NFX1: variants seen among roughly 807,000 people sequenced by gnomAD.
The protein encoded by NFX1 is transcriptional repressor NF-X1.
In NFX1, 69 loss-of-function variants were observed where a neutral mutation model predicts 137.2. That is an observed-to-expected ratio of 0.50 (90% CI 0.41 to 0.61). The LOEUF is 0.61. Ranked by LOEUF, NFX1 falls within the 20% of genes least tolerant of loss-of-function variation. The pLI, the probability that NFX1 is intolerant of heterozygous loss-of-function variation, is 0.00. For missense variants in NFX1, 1,167 were observed against 1,391.0 expected, an observed-to-expected ratio of 0.84 and a Z score of 2.56; for synonymous variants, 495 against 474.1, an observed-to-expected ratio of 1.04 and a Z score of -0.57.
Position 33,342,844 on chromosome 9 carries a change from C to A in NFX1, c.2214C>A (p.Cys738Ter). Residue 738 changes from cysteine (C) to a stop codon, truncating the protein, a stop_gained, in exon 13 of 24, where the codon TGC becomes TGA. Coordinates refer to ENST00000379540, the MANE Select transcript of NFX1 (RefSeq NM_002504.6). LOFTEE classifies it high-confidence loss of function. ...EPCHRGNCQTCWQASFDELTC... is the reference protein window; with the variant it reads ...EPCHRGNCQT ...GTCATCGTGGAAACTGCCAGACATG[C>A]TGGCAAGCCAGTGAGTGTCTTTACT... The A allele has an allele frequency of 6.2e-7, 1 of 1,610,828 alleles. No homozygotes were observed. The highest frequency in any genetic ancestry group is 8.5e-7 in the Non-Finnish European group (1 of 1,178,140).
intron 4 of NFX1, 29 bp downstream of exon 4, chr9:33,303,297 C>G: frequency 6.4e-7 from 1 of 1,573,514 alleles, no homozygotes; most frequent in Non-Finnish European, 8.7e-7. Flanking sequence ...ACTGGAGTCT[C>G]TTTTACTACA....
chr9:33,294,415 C>A lies in NFX1; in HGVS notation c.26-5C>A. 6.5e-7 allele frequency: 1 copy of A among 1,548,902 alleles called. No individual in the cohort carries two copies. Among genetic ancestry groups the A allele is most frequent in the Non-Finnish European group, 8.7e-7 (1 of 1,151,950 alleles). Reference sequence around the variant, plus strand: ...TTACTGGCATGTCTATTTTTTATGTCCTAGGTACTTTTAAATTCAATACAG... The same window carrying A: ...TTACTGGCATGTCTATTTTTTATGTACTAGGTACTTTTAAATTCAATACAG... On this transcript the variant is annotated splice_region_variant and splice_polypyrimidine_tract_variant and intron_variant, in intron 1 of 23. Transcript: ENST00000379540.
intron 17 of NFX1, among the ~76,000 whole-genome samples, chr9:33,353,423 G>GTT (rs945301790): frequency 1.3e-4 from 20 of 152,084 alleles, no homozygotes; most frequent in African/African-American, 4.8e-4. Flanking sequence ...AGAATGAATG[G>GTT]TTATATATAT....
chr9:33,290,708 G>C (rs1821125167), intron 1 of NFX1, 111 bp downstream of exon 1: 2 of 1,086,272 alleles, frequency 1.8e-6, no homozygotes, highest in East Asian at 5.1e-5. Context: ...CACATGCTAG[G>C]GCGTAGGATA....
chr9:33,336,017 C>G (rs574353039), intron 11 of NFX1, among the ~76,000 whole-genome samples: 9 of 152,018 alleles, frequency 5.9e-5, no homozygotes, highest in African/African-American at 9.7e-5. Flanking sequence ...GTTTTTGTTC[C>G]AATACCTATT....
At chr9:33,344,877 A>G (rs1484685378) in intron 14 of NFX1, among the ~76,000 whole-genome samples, 2 of 148,592 alleles carry the variant, frequency 1.3e-5, no homozygotes, top group African/African-American at 2.5e-5. Flanking sequence ...AAAAGAAAAT[A>G]GAGGCCAGGC....
At chr9:33,315,393 G>C (rs78514588) in intron 7 of NFX1, among the ~76,000 whole-genome samples, 53 of 152,112 alleles carry the variant, frequency 3.5e-4, no homozygotes, top group African/African-American at 1.2e-3. Context: ...AACTCTAATC[G>C]TCCCAGTTTT....
rs1823447568 is a variant in NFX1 at position 33,347,041 on chromosome 9, A to G, written c.2348A>G (p.Tyr783Cys). 7 of 1,612,132 alleles carry G rather than the reference A, an allele frequency of 4.3e-6. No individual in the cohort carries two copies. Among genetic ancestry groups the G allele is most frequent in the Non-Finnish European group, 5.9e-6 (7 of 1,178,346 alleles). Reference sequence around the variant, plus strand: ...AGTTACCTTTCTCTTTCTGCAGTATATCATTCTTGTCATAGTGAGGAGAAG... The same window carrying G: ...AGTTACCTTTCTCTTTCTGCAGTATGTCATTCTTGTCATAGTGAGGAGAAG... ...ARVHECDHPVYHSCHSEEKCP... is the reference protein window; with the variant it reads ...ARVHECDHPVCHSCHSEEKCP... Residue 783 changes from tyrosine to cysteine, a missense_variant, in exon 15 of 24, where the codon TAT (tyrosine) becomes TGT (cysteine). Physicochemically the swap from Tyr to Cys is radical, Grantham distance 194 (BLOSUM62 -2). Around this residue, in one of 3 missense-constraint regions of NFX1, gnomAD observed 488 missense variants for 691.5 expected, o/e 0.71. Transcript: ENST00000379540.
At chr9:33,361,404 A>C (rs540247202) in intron 19 of NFX1, among the ~76,000 whole-genome samples, 1 of 152,312 alleles carries the variant, frequency 6.6e-6, no homozygotes, top group South Asian at 2.1e-4. Flanking sequence ...CAAGCTAATT[A>C]GCATATGCAT....
At chr9:33,338,390 A>G (rs112399410) in intron 11 of NFX1, 120 bp from the exon 12 acceptor site, 9 of 911,582 alleles carry the variant, frequency 9.9e-6, no homozygotes, top group African/African-American at 6.9e-5. Flanking sequence ...CTGCATTTAC[A>G]TTATTACAAT....
intron 19 of NFX1, among the ~76,000 whole-genome samples, chr9:33,355,668 G>T (rs1380539838): frequency 7.5e-6 from 1 of 132,482 alleles, no homozygotes. Context: ...TTTTGAGATG[G>T]AGTTTTTCTC....
intron 23 of NFX1, among the ~76,000 whole-genome samples, chr9:33,368,107 C>T (rs556366681): frequency 6.6e-6 from 1 of 152,142 alleles, no homozygotes; most frequent in East Asian, 1.9e-4. Context: ...TGGTGGCGGG[C>T]ACCTGTAAAC....
chr9:33,291,207 A>G (rs1006450160), intron 1 of NFX1, among the ~76,000 whole-genome samples: 5 of 152,192 alleles, frequency 3.3e-5, no homozygotes, highest in Admixed American at 2.6e-4. Context: ...TCGTTGATAT[A>G]ACATCCATTT....
Position 33,342,796 on chromosome 9 carries a change from C to T in NFX1, c.2166C>T (p.Gly722=). Residue 722 remains glycine, a synonymous_variant, in exon 13 of 24, where the codon GGC becomes GGT. Coordinates refer to ENST00000379540, the MANE Select transcript of NFX1 (RefSeq NM_002504.6). ...TTTGTGGGAGGAAACTCCGTTGTGG[C>T]CTTCATAGGTGTGAAGAACCTTGTC... is the stretch of plus-strand genomic sequence containing the variant. ...PLICGRKLRC[G]LHRCEEPCHR... 1 of 1,613,816 alleles carries T rather than the reference C, an allele frequency of 6.2e-7. No homozygotes were observed. The highest frequency in any genetic ancestry group is 8.5e-7 in the Non-Finnish European group (1 of 1,179,894).
intron 1 of NFX1, 116 bp from the exon 2 acceptor site, chr9:33,294,304 C>A (rs1821265229): frequency 3.2e-6 from 3 of 934,870 alleles, no homozygotes; most frequent in South Asian, 3.6e-5. Flanking sequence ...TCTTACTTAA[C>A]AGCATGTTTT....
chr9:33,323,625 C>G (rs551883580), intron 9 of NFX1, among the ~76,000 whole-genome samples: 3 of 151,948 alleles, frequency 2.0e-5, no homozygotes, highest in African/African-American at 7.3e-5. Context: ...TGTTGGTATG[C>G]GCCTGTGGTC....
intron 5 of NFX1, among the ~76,000 whole-genome samples, chr9:33,310,458 A>G (rs888626818): frequency 6.6e-6 from 1 of 152,156 alleles, no homozygotes; most frequent in African/African-American, 2.4e-5. Context: ...ACTTTTTTCT[A>G]TTGGTCTCTA....
At chr9:33,332,826 A>C (rs890913007) in intron 11 of NFX1, among the ~76,000 whole-genome samples, 23 of 152,160 alleles carry the variant, frequency 1.5e-4, no homozygotes, top group African/African-American at 5.5e-4. Flanking sequence ...ATGGATGTTC[A>C]CTGTAAAATA....
chr9:33,302,293 A>G (rs1021054497), intron 3 of NFX1, among the ~76,000 whole-genome samples: 1 of 151,438 alleles, frequency 6.6e-6, no homozygotes, highest in Non-Finnish European at 1.5e-5. Flanking sequence ...TTTGAAATAT[A>G]TAATAAATTG....
Sources: gnomAD v4.1 joint callset for allele counts (sites outside exome capture counted in the v4.1 genomes callset) on GRCh38, gnomAD v4.1.1 for gene constraint, gnomAD v4.1.1 regional missense constraint, MANE v1.5 for transcripts, NCBI Gene and HGNC (gene_info 2026-07-23, HGNC 2026-07-21) for gene names.